The following GPBP1L1 variants were observed in gnomAD, a reference collection of about 807,000 sequenced individuals.
GPBP1L1 encodes GC-rich promoter binding protein 1 like 1, also known as vasculin-like protein 1.
Under a neutral mutation model 52.5 loss-of-function variants are expected in GPBP1L1, and 23 were observed. The ratio of observed to expected loss-of-function variants is 0.44; its 90% CI spans 0.32 to 0.62. GPBP1L1 has a LOEUF of 0.62. GPBP1L1 is among the 20% of genes least tolerant of loss of function. The pLI, the probability that GPBP1L1 is intolerant of heterozygous loss-of-function variation, is 0.06. For missense variants in GPBP1L1, 596 were observed against 579.3 expected, an observed-to-expected ratio of 1.03 and a Z score of -0.30; for synonymous variants, 243 against 203.1, an observed-to-expected ratio of 1.20 and a Z score of -1.67.
intron 6 of GPBP1L1, among the ~76,000 whole-genome samples, chr1:45,647,100 C>A (rs1399503924): frequency 2.0e-5 from 3 of 147,858 alleles, no homozygotes; most frequent in African/African-American, 5.0e-5. Context: ...TACTTCTTTT[C>A]AAGAGTTCTA....
At chr1:45,675,245 C>T (rs959483497) in intron 2 of GPBP1L1, among the ~76,000 whole-genome samples, 13 of 151,642 alleles carry the variant, frequency 8.6e-5, no homozygotes, top group African/African-American at 2.7e-4. Flanking sequence ...TGCAGTGAGC[C>T]GAGATCGAGC....
chr1:45,657,095 A>G (rs1644894323), intron 4 of GPBP1L1, among the ~76,000 whole-genome samples: 1 of 152,140 alleles, frequency 6.6e-6, no homozygotes, highest in East Asian at 1.9e-4. Flanking sequence ...AATGTCTTCT[A>G]ATTCTTTTTA....
intron 6 of GPBP1L1, among the ~76,000 whole-genome samples, chr1:45,647,414 G>C (rs755610344): frequency 6.6e-6 from 1 of 152,080 alleles, no homozygotes; most frequent in Non-Finnish European, 1.5e-5. Context: ...TTCTGGAAGG[G>C]TATAGTGGCC....
intron 7 of GPBP1L1, chr1:45,641,912 G>C (rs764016036): frequency 6.6e-6 from 1 of 152,120 alleles, no homozygotes; most frequent in African/African-American, 2.4e-5. Flanking sequence ...TGTTGGCTAC[G>C]GTGGCTCATG....
chr1:45,635,289 A>T (rs1313386221), intron 8 of GPBP1L1: 1 of 152,190 alleles, frequency 6.6e-6, no homozygotes, highest in Non-Finnish European at 1.5e-5. Context: ...CACAAAGAAC[A>T]AGCAAGCAGA....
At chr1:45,639,872 C>T (rs1399144842) in intron 8 of GPBP1L1, among the ~76,000 whole-genome samples, 15 of 150,454 alleles carry the variant, frequency 1.0e-4, no homozygotes, top group Admixed American at 8.6e-4. Context: ...AGCGAGGCTC[C>T]ATCTCAAAAA....
intron 6 of GPBP1L1, among the ~76,000 whole-genome samples, chr1:45,644,676 G>C (rs1281225025): frequency 1.3e-5 from 2 of 152,084 alleles, no homozygotes; most frequent in Non-Finnish European, 1.5e-5. Flanking sequence ...CTATAAATTG[G>C]TAGTTGGTTC....
At chr1:45,647,566 G>A (rs549980374) in intron 6 of GPBP1L1, among the ~76,000 whole-genome samples, 13 of 152,120 alleles carry the variant, frequency 8.5e-5, no homozygotes, top group South Asian at 2.1e-4. Context: ...TTCTGCCAGC[G>A]GAGAACAATG....
chr1:45,631,578 T>C (rs1644531520), intron 10 of GPBP1L1, among the ~76,000 whole-genome samples: 1 of 152,150 alleles, frequency 6.6e-6, no homozygotes, highest in African/African-American at 2.4e-5. Flanking sequence ...TTAATTAGGC[T>C]GGATTTCATT....
At chr1:45,662,107 C>A (rs1324685953) in intron 2 of GPBP1L1, among the ~76,000 whole-genome samples, 1 of 152,122 alleles carries the variant, frequency 6.6e-6, no homozygotes, top group Admixed American at 6.5e-5. Flanking sequence ...ACAAAAATTT[C>A]TTCGGTAATT....
intron 2 of GPBP1L1, among the ~76,000 whole-genome samples, chr1:45,671,209 CTTTTTTTT>C (rs5773890): frequency 1.0e-5 from 1 of 99,828 alleles, no homozygotes; most frequent in Non-Finnish European, 2.0e-5. Context: ...GGCTCTCTGG[CTTTTTTTT>C]TTTTTTTTTT....
chr1:45,663,388 A>G (rs547633168), intron 2 of GPBP1L1, among the ~76,000 whole-genome samples: 1 of 152,328 alleles, frequency 6.6e-6, no homozygotes, highest in African/African-American at 2.4e-5. Context: ...TCCAACTGAC[A>G]CACACCACCA....
chr1:45,657,393 G>A (rs2148476446), intron 4 of GPBP1L1, among the ~76,000 whole-genome samples: 1 of 152,158 alleles, frequency 6.6e-6, no homozygotes, highest in South Asian at 2.1e-4. Context: ...AAAATTAGCT[G>A]GGAGTGGTAC....
upstream of GPBP1L1, chr1:45,686,725 G>T (rs1157010790): frequency 1.3e-5 from 2 of 152,386 alleles, no homozygotes; most frequent in African/African-American, 2.4e-5. Flanking sequence ...CCAGAACGGC[G>T]GTTATGCCCT....
intron 2 of GPBP1L1, among the ~76,000 whole-genome samples, chr1:45,683,765 A>T (rs1188795467): frequency 1.3e-5 from 2 of 150,000 alleles, no homozygotes; most frequent in African/African-American, 4.9e-5. Flanking sequence ...AAAAAAAAAA[A>T]AAAAAAATTA....
chr1:45,683,623 C>T (rs1036302844), intron 2 of GPBP1L1, among the ~76,000 whole-genome samples: 2 of 151,364 alleles, frequency 1.3e-5, no homozygotes, highest in Non-Finnish European at 2.9e-5. Context: ...GCCTGTAATC[C>T]CAACACTTTG....
intron 2 of GPBP1L1, among the ~76,000 whole-genome samples, chr1:45,673,354 T>C (rs186672087): frequency 2.4e-4 from 37 of 152,212 alleles, no homozygotes; most frequent in African/African-American, 8.4e-4. Context: ...AACTGAAGAA[T>C]GAACTACAGA....
chr1:45,655,540 G>C (rs1644875557), intron 4 of GPBP1L1: 2 of 401,560 alleles, frequency 5.0e-6, no homozygotes, highest in Non-Finnish European at 8.8e-6. Flanking sequence ...TCCAGGAGAG[G>C]AGAAAAGCTA....
rs192371757 is a variant in GPBP1L1, at chr1:45,685,878, A to G, written c.-1142-258T>C. 1.7e-4 allele frequency among the ~76,000 whole-genome samples: 26 copies of G among 152,328 alleles called. No individual in the cohort carries two copies. The East Asian group carries it at 5.0e-3, about 29-fold the overall frequency. On this transcript the variant is annotated intron_variant, in intron 1 of 12. Coordinates refer to ENST00000355105, the MANE Select transcript of GPBP1L1 (RefSeq NM_021639.5). ...CCCTCCAAGGAAAGGAGGTTGGTAG[A>G]TATCGGATAGACTCAATCTAAGCGA...
Sources: allele counts gnomAD v4.1 joint callset (sites outside exome capture counted in the v4.1 genomes callset), GRCh38; gene constraint gnomAD v4.1.1; transcripts MANE v1.5; gene names NCBI Gene and HGNC (gene_info 2026-07-23, HGNC 2026-07-21).